The following HNRNPC variants were observed in gnomAD, a reference collection of about 807,000 sequenced individuals.
The protein encoded by HNRNPC is heterogeneous nuclear ribonucleoproteins C1/C2.
A neutral mutation model predicts 33.2 loss-of-function variants in HNRNPC; 3 were observed. The observed-to-expected ratio is 0.09, with a 90% CI of 0.04 to 0.23. HNRNPC has a LOEUF of 0.23. Among genes scored for constraint, HNRNPC ranks in the 10% least tolerant of loss-of-function variants. The pLI is 1.00. For missense variants in HNRNPC, 143 were observed against 366.7 expected (o/e 0.39, Z 4.98); for synonymous variants, 121 against 126.7 (o/e 0.96, Z 0.30).
At chr14:21,220,443 G>A (rs1892700765) in intron 5 of HNRNPC, among the ~76,000 whole-genome samples, 1 of 152,078 alleles carries the variant, frequency 6.6e-6, no homozygotes, top group Non-Finnish European at 1.5e-5. Flanking sequence ...TAGCCAGGCT[G>A]GTCTTGAACT....
intron 2 of HNRNPC, among the ~76,000 whole-genome samples, chr14:21,242,163 G>A (rs1364735585): frequency 6.6e-6 from 1 of 152,066 alleles, no homozygotes; most frequent in Non-Finnish European, 1.5e-5. Flanking sequence ...CAAACAAATG[G>A]ATCATAAATA....
At chr14:21,266,032 T>A (rs758666187) in intron 1 of HNRNPC, among the ~76,000 whole-genome samples, 1 of 152,214 alleles carries the variant, frequency 6.6e-6, no homozygotes, top group African/African-American at 2.4e-5. Context: ...CTATTGATTC[T>A]GGTGTTGGCT....
In HNRNPC at chr14:21,234,288, A is replaced by G. The variant is rs1032661814; in HGVS notation, c.-36-59T>C. On this transcript the variant is annotated intron_variant, in intron 2 of 8. Transcript: ENST00000553300. ...ATGCTAAAAACAATATTCCTTGATA[A>G]AACATTCTCCACTCTCACTCTGAAT... 2.8e-6 allele frequency: 4 copies of G among 1,415,834 alleles called. No homozygotes were observed. The African/African-American group carries it at 5.9e-5, about 21-fold the overall frequency. The allele number at this position is 1,415,834 out of a possible 1,614,324, so 87.7% of individuals were successfully genotyped here. A position where few individuals can be genotyped will look rare whatever the true frequency, so the allele number is the denominator to read the frequency against.
At chr14:21,223,023 G>C (rs534844399) in intron 5 of HNRNPC, among the ~76,000 whole-genome samples, 3 of 152,082 alleles carry the variant, frequency 2.0e-5, no homozygotes, top group Admixed American at 2.0e-4. Flanking sequence ...ACACGGTGAA[G>C]CCCCATCTCT....
chr14:21,231,195 T>TTG, intron 3 of HNRNPC, 123 bp from the exon 4 acceptor site: 1 of 932,804 alleles, frequency 1.1e-6, no homozygotes, highest in Non-Finnish European at 1.6e-6. Flanking sequence ...AGTGCAGTGG[T>TTG]GTCACCTTGG....
At chr14:21,243,252 T>C (rs1258696172) in intron 2 of HNRNPC, among the ~76,000 whole-genome samples, 1 of 152,164 alleles carries the variant, frequency 6.6e-6, no homozygotes, top group African/African-American at 2.4e-5. Context: ...GTGGCATGTA[T>C]TTCCTTTATT....
At chr14:21,244,904 G>A (rs1406104615) in intron 2 of HNRNPC, among the ~76,000 whole-genome samples, 1 of 151,700 alleles carries the variant, frequency 6.6e-6, no homozygotes, top group Non-Finnish European at 1.5e-5. Context: ...GACCAATATG[G>A]TGAAACCCAG....
chr14:21,236,105 G>A (rs1894667501), intron 2 of HNRNPC, among the ~76,000 whole-genome samples: 1 of 152,066 alleles, frequency 6.6e-6, no homozygotes, highest in Non-Finnish European at 1.5e-5. Flanking sequence ...TACTAATCAA[G>A]ATGCAAGGAA....
At position 21,230,469 on chromosome 14, in the gene HNRNPC, C is replaced by A. The variant is rs901276550; in HGVS notation, c.318-103G>T. Reference sequence around the variant, plus strand: ...GCCAAATAAACCACAACAAATAGATCAACAAGATTAGCACTGAATGATCCC... The same window carrying A: ...GCCAAATAAACCACAACAAATAGATAAACAAGATTAGCACTGAATGATCCC... On this transcript the variant is annotated intron_variant, in intron 4 of 8. Coordinates refer to ENST00000553300, the MANE Select transcript of HNRNPC (RefSeq NM_004500.4). 5 of 776,122 alleles carry A rather than the reference C, an allele frequency of 6.4e-6. No individual in the cohort carries two copies. In the East Asian group the frequency reaches 1.1e-4, roughly 17 times the overall value. 48.1% of individuals were successfully genotyped at this position (776,122 alleles called of 1,614,324 possible). A position where few individuals can be genotyped will look rare whatever the true frequency, so the allele number is the denominator to read the frequency against.
chr14:21,220,243 T>TTG (rs1334043659), intron 5 of HNRNPC, among the ~76,000 whole-genome samples: 5 of 152,004 alleles, frequency 3.3e-5, no homozygotes, highest in Non-Finnish European at 7.4e-5. Context: ...TTCTGGTTTT[T>TTG]TTTTTTTTTT....
At chr14:21,254,736 T>C (rs1057058495) in intron 2 of HNRNPC, 9 of 152,126 alleles carry the variant, frequency 5.9e-5, no homozygotes, top group South Asian at 2.1e-4. Context: ...TGAAACCCTG[T>C]CTCTTGTAAA....
At chr14:21,226,323 A>G (rs10132259) in intron 5 of HNRNPC, among the ~76,000 whole-genome samples, 52,699 of 145,228 alleles carry the variant, frequency 0.36, 9,736 homozygotes, top group African/African-American at 0.42. Flanking sequence ...ACTCGTTTCC[A>G]AAAGAAAAAA....
At chr14:21,220,236 T>TG (rs1250389675) in intron 5 of HNRNPC, among the ~76,000 whole-genome samples, 5 of 134,608 alleles carry the variant, frequency 3.7e-5, no homozygotes, top group African/African-American at 5.4e-5. Context: ...CATCTATTTC[T>TG]GGTTTTTTTT....
At chr14:21,249,785 T>A (rs2138898415) in intron 2 of HNRNPC, among the ~76,000 whole-genome samples, 1 of 152,176 alleles carries the variant, frequency 6.6e-6, no homozygotes, top group Non-Finnish European at 1.5e-5. Flanking sequence ...GACATAAAAG[T>A]CCATCATACT....
intron 2 of HNRNPC, among the ~76,000 whole-genome samples, chr14:21,243,089 C>T (rs1252343104): frequency 1.3e-5 from 2 of 152,108 alleles, no homozygotes; most frequent in Non-Finnish European, 2.9e-5. Flanking sequence ...CAAGCCACCT[C>T]ACTGTCTCAA....
intron 5 of HNRNPC, among the ~76,000 whole-genome samples, chr14:21,228,870 A>C (rs1264105467): frequency 6.7e-6 from 1 of 148,794 alleles, no homozygotes; most frequent in Non-Finnish European, 1.5e-5. Flanking sequence ...AGATCACCTC[A>C]GTTCAGGAGT....
rs1472917015 is a variant in HNRNPC at position 21,209,248 on chromosome 14, T to C, written c.*1975A>G. ...ACTATGCCATTTTATGTAAGGGACT[T>C]GAACATCTGCAGATTGTGGTGTTCA... is the stretch of plus-strand genomic sequence containing the variant. On this transcript the variant is annotated 3_prime_UTR_variant, in exon 9 of 9. Coordinates refer to ENST00000553300, the MANE Select transcript of HNRNPC (RefSeq NM_004500.4). The C allele has an allele frequency of 1.3e-5, 2 of 152,218 alleles. No individual in the cohort carries two copies. Among genetic ancestry groups the C allele is most frequent in the Non-Finnish European group, 2.9e-5 (2 of 68,024 alleles). The allele number at this position is 152,218 out of a possible 1,614,324, so 9.4% of individuals were successfully genotyped here.
chr14:21,232,481 T>TG (rs1242571047), intron 3 of HNRNPC, among the ~76,000 whole-genome samples: 4 of 152,058 alleles, frequency 2.6e-5, no homozygotes, highest in Non-Finnish European at 4.4e-5. Flanking sequence ...GCAATTCTCC[T>TG]GCCTCAGCCT....
intron 1 of HNRNPC, among the ~76,000 whole-genome samples, chr14:21,266,759 AAAT>A (rs1594348848): frequency 6.6e-6 from 1 of 151,538 alleles, no homozygotes; most frequent in African/African-American, 2.4e-5. Flanking sequence ...TTGAAGACTG[AAAT>A]AATGTGGTTA....
Sources: allele counts gnomAD v4.1 joint callset (sites outside exome capture counted in the v4.1 genomes callset), GRCh38; gene constraint gnomAD v4.1.1; transcripts MANE v1.5; gene names NCBI Gene and HGNC (gene_info 2026-07-23, HGNC 2026-07-21).